The following CNTNAP2 variants were observed in gnomAD, a reference collection of about 807,000 sequenced individuals.
CNTNAP2 encodes the protein contactin-associated protein-like 2.
In CNTNAP2, 98 loss-of-function variants were observed where a neutral mutation model predicts 155.2. The observed-to-expected ratio is 0.63, with a 90% confidence interval of 0.54 to 0.75. The LOEUF (loss-of-function observed/expected upper bound fraction) is 0.75, where lower values mean the gene tolerates loss of function less well. Ranked by LOEUF, CNTNAP2 falls within the 30% of genes least tolerant of loss-of-function variation. The probability of loss-of-function intolerance (pLI) is 0.00; values close to 1 mark genes in which losing one functional copy is unlikely to be tolerated. For missense variants in CNTNAP2, 1,727 were observed against 1,688.1 expected, an observed-to-expected ratio of 1.02 and a Z score of -0.40; for synonymous variants, 651 against 631.2, an observed-to-expected ratio of 1.03 and a Z score of -0.47.
At chr7:148,367,520 G>A (rs1798806665) in intron 21 of CNTNAP2, among the ~76,000 whole-genome samples, 1 of 151,654 alleles carries the variant, frequency 6.6e-6, no homozygotes. Flanking sequence ...AGTGCCTAGG[G>A]CCTGTGAAAG....
chr7:147,201,873 A>G (rs1802928847), intron 8 of CNTNAP2, among the ~76,000 whole-genome samples: 1 of 152,172 alleles, frequency 6.6e-6, no homozygotes, highest in Admixed American at 6.6e-5. Flanking sequence ...CATTAAAGTA[A>G]TACATTAGAA....
intron 3 of CNTNAP2, among the ~76,000 whole-genome samples, chr7:146,843,653 G>A (rs546561332): frequency 3.4e-5 from 5 of 148,614 alleles, no homozygotes; most frequent in African/African-American, 4.9e-5. Context: ...GTTAAAGTTC[G>A]TTGACTTCTA....
At chr7:146,305,809 T>C (rs1800700962) in intron 1 of CNTNAP2, among the ~76,000 whole-genome samples, 1 of 151,942 alleles carries the variant, frequency 6.6e-6, no homozygotes, top group Admixed American at 6.6e-5. Context: ...GATCTAAAAT[T>C]GACATCCTAA....
At chr7:146,776,083 A>T (rs1295892715) in intron 2 of CNTNAP2, among the ~76,000 whole-genome samples, 2 of 152,212 alleles carry the variant, frequency 1.3e-5, no homozygotes, top group African/African-American at 4.8e-5. Context: ...AAAACAATGA[A>T]TATAGACAGA....
chr7:146,118,197 T>G (rs12154461), intron 1 of CNTNAP2, among the ~76,000 whole-genome samples: 19,052 of 152,184 alleles, frequency 0.13, 1,523 homozygotes, highest in Middle Eastern at 0.19. Context: ...AGTATTACTG[T>G]TTTGACATAT....
chr7:146,887,310 A>AG (rs1222599947), intron 3 of CNTNAP2, among the ~76,000 whole-genome samples: 1 of 151,578 alleles, frequency 6.6e-6, no homozygotes, highest in Non-Finnish European at 1.5e-5. Context: ...CACCACACCC[A>AG]ACTGATTCTG....
At chr7:146,914,933 G>A (rs1796364954) in intron 3 of CNTNAP2, among the ~76,000 whole-genome samples, 2 of 151,894 alleles carry the variant, frequency 1.3e-5, no homozygotes, top group African/African-American at 4.8e-5. Context: ...TTATCTTCTA[G>A]AATTTTTATA....
intron 12 of CNTNAP2, among the ~76,000 whole-genome samples, chr7:147,591,108 C>G (rs1800727187): frequency 6.6e-6 from 1 of 152,186 alleles, no homozygotes; most frequent in African/African-American, 2.4e-5. Context: ...TCAAATTTTC[C>G]TGCATCTTAG....
intron 10 of CNTNAP2, among the ~76,000 whole-genome samples, chr7:147,415,382 G>T (rs1263873561): frequency 6.6e-6 from 1 of 152,086 alleles, no homozygotes; most frequent in Non-Finnish European, 1.5e-5. Flanking sequence ...TAATCCCCAC[G>T]TGTCAAGGGA....
intron 9 of CNTNAP2, among the ~76,000 whole-genome samples, chr7:147,340,356 C>T (rs897196839): frequency 7.9e-5 from 12 of 152,112 alleles, no homozygotes; most frequent in South Asian, 2.1e-4. Context: ...TTTTAAATCA[C>T]AAAATACATA....
Position 147,907,333 on chromosome 7 carries a change from G to A in CNTNAP2, c.2255+3612G>A, listed in dbSNP as rs1799979764. ...GGCCTCCCAAAGTGCTGGGATTACA[G>A]GCTTGAGCCATCGCGCCCAGCCATG... On this transcript the variant is annotated intron_variant, in intron 14 of 23. Coordinates refer to ENST00000361727, the MANE Select transcript of CNTNAP2 (RefSeq NM_014141.6). Among the ~76,000 whole-genome samples the A allele has an allele frequency of 3.9e-5, 6 of 152,314 alleles. No individual in the cohort carries two copies. In the South Asian group the frequency reaches 1.2e-3, roughly 32 times the overall value.
chr7:147,246,433 G>C (rs925653021), intron 8 of CNTNAP2, among the ~76,000 whole-genome samples: 1 of 152,170 alleles, frequency 6.6e-6, no homozygotes, highest in African/African-American at 2.4e-5. Context: ...CACAGTTCTA[G>C]AGGCTGGGCA....
chr7:146,128,251 T>C (rs1241094922), intron 1 of CNTNAP2, among the ~76,000 whole-genome samples: 1 of 152,194 alleles, frequency 6.6e-6, no homozygotes, highest in Non-Finnish European at 1.5e-5. Context: ...TTCATCATAT[T>C]AGGTACTGTA....
chr7:146,600,661 A>G (rs747461275), intron 1 of CNTNAP2, among the ~76,000 whole-genome samples: 9 of 152,086 alleles, frequency 5.9e-5, no homozygotes, highest in Non-Finnish European at 1.0e-4. Context: ...GTACCTTTTT[A>G]GTACTTGTAT....
intron 1 of CNTNAP2, among the ~76,000 whole-genome samples, chr7:146,538,478 A>G (rs1290116633): frequency 6.6e-6 from 1 of 152,080 alleles, no homozygotes; most frequent in Non-Finnish European, 1.5e-5. Context: ...GAGGGGTGCC[A>G]TAGCCACAGT....
In CNTNAP2 at chr7:146,681,796, C is replaced by T. The variant is rs146106138; in HGVS notation, c.98-92475C>T. Among the ~76,000 whole-genome samples, 147 of 152,172 alleles carry T rather than the reference C, an allele frequency of 9.7e-4. 2 individuals carry two copies. In the East Asian group the frequency reaches 0.026, roughly 27 times the overall value. ...AAATAAAGGTTTGAAAGATTAAGTG[C>T]CTTGCTAAAAGTTAGAGAATATGTT... On this transcript the variant is annotated intron_variant, in intron 1 of 23. Transcript: ENST00000361727.
intron 1 of CNTNAP2, among the ~76,000 whole-genome samples, chr7:146,181,489 C>G (rs1217481627): frequency 1.3e-5 from 2 of 152,080 alleles, no homozygotes; most frequent in Non-Finnish European, 2.9e-5. Context: ...GTGTCTAAAT[C>G]AATGCGGTTT....
At chr7:147,117,020 G>A (rs1425917508) in intron 5 of CNTNAP2, among the ~76,000 whole-genome samples, 1 of 152,196 alleles carries the variant, frequency 6.6e-6, no homozygotes, top group African/African-American at 2.4e-5. Flanking sequence ...CCTGATGACA[G>A]TGGCTGGCTG....
At chr7:148,275,166 T>C (rs920696518) in intron 21 of CNTNAP2, among the ~76,000 whole-genome samples, 7 of 152,150 alleles carry the variant, frequency 4.6e-5, no homozygotes, top group Non-Finnish European at 7.3e-5. Flanking sequence ...CAAAGCAAGA[T>C]AGGGGATCAT....
Sources: allele counts gnomAD v4.1 joint callset (sites outside exome capture counted in the v4.1 genomes callset), GRCh38; gene constraint gnomAD v4.1.1; transcripts MANE v1.5; gene names NCBI Gene and HGNC (gene_info 2026-07-23, HGNC 2026-07-21).